Variants in SCIN observed in about 807,000 individuals in gnomAD.
SCIN encodes the protein scinderin.
In SCIN, 91 loss-of-function variants were observed where a neutral mutation model predicts 91.8. That is an observed-to-expected ratio of 0.99 (90% CI 0.84 to 1.18). The LOEUF (loss-of-function observed/expected upper bound fraction) is 1.18, where lower values mean the gene tolerates loss of function less well. Ranked by LOEUF, SCIN falls within the 50% of genes most tolerant of loss-of-function variation. The pLI is 0.00. For missense variants in SCIN, 1,087 were observed against 863.9 expected (o/e 1.26, Z -3.24); for synonymous variants, 367 against 312.6 (o/e 1.17, Z -1.84).
At chr7:12,575,159 G>C (rs1782343460) in intron 1 of SCIN, among the ~76,000 whole-genome samples, 1 of 151,526 alleles carries the variant, frequency 6.6e-6, no homozygotes, top group African/African-American at 2.4e-5. Context: ...ATATAGAAAT[G>C]TGACTGATTT....
In SCIN at chr7:12,652,641, GTCA is replaced by G; in HGVS notation, c.2079_2081del (p.Ile694del). The G allele has an allele frequency of 6.2e-7, 1 of 1,611,868 alleles. No individual in the cohort carries two copies. Among genetic ancestry groups the G allele is most frequent in the Non-Finnish European group, 8.5e-7 (1 of 1,179,304 alleles). On this transcript the variant is annotated inframe_deletion, in exon 16 of 16. Transcript: ENST00000297029. The stretch of plus-strand genomic sequence containing the variant: ...TGGAAGAGACAAGAGGACACCAATT[GTCA>G]TCATAAAACAGGGCCATGAGCCACC...
rs1162504997 is a variant in SCIN at position 12,649,466 on chromosome 7, G to C, written c.1882-1G>C. ...CTCATATAGCTTTTTATACCTTTCA[G>C]ATTGAAGAGATTCCAGGAGAGTTCA... On this transcript the variant is annotated splice_acceptor_variant, in intron 13 of 15. Coordinates refer to ENST00000297029, the MANE Select transcript of SCIN (RefSeq NM_001112706.3). LOFTEE classifies it high-confidence loss of function. 1.9e-6 allele frequency: 3 copies of C among 1,588,206 alleles called. No homozygotes were observed. Among genetic ancestry groups the C allele is most frequent in the Non-Finnish European group, 2.6e-6 (3 of 1,165,600 alleles).
At chr7:12,595,864 G>T (rs528779774) in intron 3 of SCIN, 1 of 153,162 alleles carries the variant, frequency 6.5e-6, no homozygotes, top group Admixed American at 6.5e-5. Flanking sequence ...ATTCAGGGTC[G>T]TATTGTTACC....
intron 8 of SCIN, among the ~76,000 whole-genome samples, chr7:12,628,235 G>A (rs904892574): frequency 3.9e-5 from 6 of 152,030 alleles, no homozygotes; most frequent in East Asian, 1.9e-4. Flanking sequence ...ATCACATTTC[G>A]GTCTTATTCC....
At chr7:12,646,166 A>G (rs1369959159) in intron 13 of SCIN, among the ~76,000 whole-genome samples, 2 of 152,264 alleles carry the variant, frequency 1.3e-5, no homozygotes, top group African/African-American at 4.8e-5. Context: ...CAGTCCAGTC[A>G]GAAGTAAAAT....
chr7:12,618,087 G>C (rs1483051547), intron 4 of SCIN, among the ~76,000 whole-genome samples: 1 of 152,064 alleles, frequency 6.6e-6, no homozygotes, highest in Non-Finnish European at 1.5e-5. Context: ...TGCCTGATAA[G>C]TTCCCCACTG....
chr7:12,629,802 G>T (rs971562384), intron 9 of SCIN, among the ~76,000 whole-genome samples: 3 of 152,094 alleles, frequency 2.0e-5, no homozygotes, highest in African/African-American at 4.8e-5. Flanking sequence ...AGGAGGAAAT[G>T]ATCAAATGTC....
intron 3 of SCIN, among the ~76,000 whole-genome samples, chr7:12,594,634 C>T (rs184781089): frequency 2.0e-5 from 3 of 152,118 alleles, no homozygotes; most frequent in Non-Finnish European, 4.4e-5. Flanking sequence ...GGAGGAGACA[C>T]CCAAGGGGGG....
rs1316330953 is a variant in SCIN, at chr7:12,654,322, G to T, written c.*1607G>T. On this transcript the variant is annotated 3_prime_UTR_variant, in exon 16 of 16. Transcript: ENST00000297029. ...TTTAGCAGATAATGTGGCCGTCCAG[G>T]CAGGCATGAGATTTCTCAGCCTTAC... 6.6e-6 allele frequency: 1 copy of T among 152,110 alleles called. No homozygotes were observed. Among genetic ancestry groups the T allele is most frequent in the Non-Finnish European group, 1.5e-5 (1 of 68,014 alleles). 9.4% of individuals were successfully genotyped at this position (152,110 alleles called of 1,614,324 possible).
chr7:12,588,254 T>G (rs1782632364), intron 3 of SCIN, among the ~76,000 whole-genome samples: 1 of 152,208 alleles, frequency 6.6e-6, no homozygotes. Context: ...TGGCATTTAT[T>G]CTGTGCCTAG....
chr7:12,603,166 A>T (rs1238287859), intron 3 of SCIN, among the ~76,000 whole-genome samples: 2 of 151,448 alleles, frequency 1.3e-5, no homozygotes, highest in Admixed American at 1.3e-4. Context: ...TTTTTTTGAG[A>T]CAGTGTCTCG....
At chr7:12,581,990 G>A (rs1243525384) in intron 3 of SCIN, among the ~76,000 whole-genome samples, 3 of 152,108 alleles carry the variant, frequency 2.0e-5, no homozygotes, top group Non-Finnish European at 4.4e-5. Context: ...AACTTATAAG[G>A]CTCTCCTCTT....
At chr7:12,613,747 A>G (rs1048173266) in intron 4 of SCIN, among the ~76,000 whole-genome samples, 4 of 152,154 alleles carry the variant, frequency 2.6e-5, no homozygotes, top group Non-Finnish European at 5.9e-5. Flanking sequence ...AAAAATGTAT[A>G]TGTAATAATA....
chr7:12,645,140 G>A (rs1166952092), intron 13 of SCIN, among the ~76,000 whole-genome samples: 1 of 151,502 alleles, frequency 6.6e-6, no homozygotes, highest in Non-Finnish European at 1.5e-5. Context: ...CCAATATGGT[G>A]AAACCCCCTC....
intron 3 of SCIN, among the ~76,000 whole-genome samples, chr7:12,600,983 C>T (rs1379999942): frequency 6.6e-6 from 1 of 152,044 alleles, no homozygotes; most frequent in East Asian, 1.9e-4. Flanking sequence ...TTCCAATGCC[C>T]AGATGTAGAA....
In SCIN at chr7:12,629,106, G is replaced by A. The variant is rs1168490902; in HGVS notation, c.1203G>A (p.Trp401Ter). The A allele has an allele frequency of 6.2e-7, 1 of 1,610,770 alleles. No homozygotes were observed. Among genetic ancestry groups the A allele is most frequent in the Non-Finnish European group, 8.5e-7 (1 of 1,178,254 alleles). Residue 401 changes from tryptophan (W) to a stop codon, truncating the protein, a stop_gained, in exon 9 of 16, where the codon TGG (tryptophan) becomes TGA (stop). Transcript: ENST00000297029. LOFTEE classifies it high-confidence loss of function. ...VDDGSGKVEI[W>*]RVENNGRIQV... ...ATATATTCCATTCCTTCCAGATTTGGCGTGTAGAAAACAATGGTAGGATCC... is the reference window on the plus strand; with the variant it reads ...ATATATTCCATTCCTTCCAGATTTGACGTGTAGAAAACAATGGTAGGATCC...
At chr7:12,639,889 T>C (rs920675081) in intron 10 of SCIN, among the ~76,000 whole-genome samples, 1 of 152,180 alleles carries the variant, frequency 6.6e-6, no homozygotes, top group East Asian at 1.9e-4. Flanking sequence ...TTGTGAAGCA[T>C]TTGAATGCAC....
intron 3 of SCIN, among the ~76,000 whole-genome samples, chr7:12,592,407 C>T (rs567281495): frequency 3.9e-4 from 59 of 152,128 alleles, no homozygotes; most frequent in African/African-American, 1.3e-3. Flanking sequence ...AGCTTGTTTA[C>T]GATGGGCTGT....
At chr7:12,599,821 T>A (rs1489360550) in intron 3 of SCIN, among the ~76,000 whole-genome samples, 1 of 152,228 alleles carries the variant, frequency 6.6e-6, no homozygotes, top group Admixed American at 6.5e-5. Flanking sequence ...TATCTTCTTC[T>A]CAGAACTGTC....
Sources: allele counts gnomAD v4.1 joint callset (sites outside exome capture counted in the v4.1 genomes callset), GRCh38; gene constraint gnomAD v4.1.1; transcripts MANE v1.5; gene names NCBI Gene and HGNC (gene_info 2026-07-23, HGNC 2026-07-21).